Variants in LMBR1 observed in about 807,000 individuals in gnomAD.
LMBR1 encodes the protein limb region 1 protein homolog.
A neutral mutation model predicts 73.9 loss-of-function variants in LMBR1; 52 were observed. The observed-to-expected ratio is 0.70, with a 90% confidence interval of 0.56 to 0.89. The LOEUF (loss-of-function observed/expected upper bound fraction) is 0.89. Ranked by LOEUF, LMBR1 falls within the 40% of genes least tolerant of loss-of-function variation. The pLI is 0.00. For synonymous variants in LMBR1, 215 were observed against 209.4 expected (o/e 1.03, Z -0.23); for missense variants, 539 against 579.8 (o/e 0.93, Z 0.72).
At chr7:156,781,775 C>T (rs1415051835) in intron 5 of LMBR1, among the ~76,000 whole-genome samples, 1 of 152,212 alleles carries the variant, frequency 6.6e-6, no homozygotes, top group Non-Finnish European at 1.5e-5. Context: ...CAGGTAACCA[C>T]AAAACACTGC....
intron 1 of LMBR1, among the ~76,000 whole-genome samples, chr7:156,841,953 C>G (rs146011786): frequency 7.1e-6 from 1 of 140,188 alleles, no homozygotes; most frequent in South Asian, 2.2e-4. Flanking sequence ...AAAAAAGAAG[C>G]AATTGCTGAA....
intron 1 of LMBR1, among the ~76,000 whole-genome samples, chr7:156,891,217 T>A (rs981439782): frequency 0.024 from 1,109 of 45,788 alleles, 22 homozygotes; most frequent in Middle Eastern, 0.036. Flanking sequence ...AAAAAATATA[T>A]ATATATATAT....
chr7:156,813,875 GT>G (rs200134909), intron 4 of LMBR1, among the ~76,000 whole-genome samples: 6 of 151,322 alleles, frequency 4.0e-5, no homozygotes, highest in African/African-American at 7.3e-5. Context: ...AAAAGTCCTA[GT>G]TTTTTTTTAT....
rs1563118095 is a variant in LMBR1, at chr7:156,681,188, G to A, written c.*2890C>T. The A allele has an allele frequency of 1.1e-5, 5 of 453,856 alleles. No individual in the cohort carries two copies. The Admixed American group carries it at 1.2e-4, about 11-fold the overall frequency. The allele number at this position is 453,856 out of a possible 1,614,324, so 28.1% of individuals were successfully genotyped here. A position where few individuals can be genotyped will look rare whatever the true frequency, so the allele number is the denominator to read the frequency against. On this transcript the variant is annotated 3_prime_UTR_variant, in exon 17 of 17. Coordinates refer to ENST00000353442, the MANE Select transcript of LMBR1 (RefSeq NM_022458.4). ...GTAAATGATGAAAACCTGTGTCCCT[G>A]GCAGACGAGGTCATCACTGAGGCTG...
chr7:156,826,775 G>A (rs780836374), intron 3 of LMBR1, 31 bp from the exon 4 acceptor site: 1 of 1,573,008 alleles, frequency 6.4e-7, no homozygotes, highest in Non-Finnish European at 8.6e-7. Context: ...CATCACAAGT[G>A]ATCTGAAAAA....
chr7:156,880,366 G>C (rs552184737), intron 1 of LMBR1, among the ~76,000 whole-genome samples: 1 of 152,196 alleles, frequency 6.6e-6, no homozygotes, highest in Non-Finnish European at 1.5e-5. Context: ...GGAAAGGGGT[G>C]AGGGATAAAA....
chr7:156,763,980 A>G (rs2132941153), intron 5 of LMBR1, among the ~76,000 whole-genome samples, 185 bp from the exon 6 acceptor site: 1 of 152,310 alleles, frequency 6.6e-6, no homozygotes, highest in South Asian at 2.1e-4. Flanking sequence ...AATTATGGAA[A>G]ATATTATTAA....
In LMBR1 at chr7:156,681,436, T is replaced by C. The variant is rs1460216007; in HGVS notation, c.*2642A>G. 1 of 160,720 alleles carries C rather than the reference T, an allele frequency of 6.2e-6. No homozygotes were observed. The highest frequency in any genetic ancestry group is 1.9e-4 in the East Asian group (1 of 5,298). The allele number at this position is 160,720 out of a possible 1,614,324, so 10.0% of individuals were successfully genotyped here. On this transcript the variant is annotated 3_prime_UTR_variant, in exon 17 of 17. Coordinates refer to ENST00000353442, the MANE Select transcript of LMBR1 (RefSeq NM_022458.4). ...TAGAGGTCTATTTTTACAGAGAATG[T>C]ACATAAAGCTACGTAAATAGTAAAT...
At chr7:156,834,732 A>C (rs1041039125) in intron 2 of LMBR1, 4 of 158,102 alleles carry the variant, frequency 2.5e-5, no homozygotes, top group Non-Finnish European at 5.4e-5. Context: ...AAGTTTGTTT[A>C]ATCTTTTTTA....
chr7:156,852,058 A>G (rs372945071), intron 1 of LMBR1, among the ~76,000 whole-genome samples: 10 of 152,210 alleles, frequency 6.6e-5, no homozygotes, highest in Non-Finnish European at 1.0e-4. Flanking sequence ...AAGAATCACA[A>G]TAATAGCTGC....
At position 156,753,203 on chromosome 7, in the gene LMBR1, A is replaced by G. The variant is rs111784594; in HGVS notation, c.757+3190T>C. ...CAAGGAGTGTCCTGGAGTGATGGGA[A>G]GGACATGCACACAGACACCAAATCA... is the stretch of plus-strand genomic sequence containing the variant. On this transcript the variant is annotated intron_variant, in intron 9 of 16. Coordinates refer to ENST00000353442, the MANE Select transcript of LMBR1 (RefSeq NM_022458.4). Among the ~76,000 whole-genome samples the G allele has an allele frequency of 8.5e-3, 1,295 of 152,162 alleles. 16 individuals are homozygous for G. Among genetic ancestry groups the G allele is most frequent in the African/African-American group, 0.029 (1,216 of 41,506 alleles).
At chr7:156,831,415 G>A (rs1836672045) in intron 3 of LMBR1, among the ~76,000 whole-genome samples, 1 of 151,756 alleles carries the variant, frequency 6.6e-6, no homozygotes, top group Admixed American at 6.6e-5. Flanking sequence ...CATGGGTCCA[G>A]AATTTGAACC....
At chr7:156,753,301 G>T (rs1051053933) in intron 9 of LMBR1, among the ~76,000 whole-genome samples, 3 of 152,006 alleles carry the variant, frequency 2.0e-5, no homozygotes, top group Non-Finnish European at 4.4e-5. Flanking sequence ...GAGCAGAAAA[G>T]GCCTGGGAGG....
chr7:156,695,868 A>G (rs1330172895), intron 15 of LMBR1, among the ~76,000 whole-genome samples: 2 of 108,404 alleles, frequency 1.8e-5, no homozygotes, highest in South Asian at 3.0e-4. Context: ...ACACTGATGG[A>G]AAAAAAAAAA....
intron 11 of LMBR1, 121 bp from the exon 12 acceptor site, chr7:156,728,128 T>C (rs886890347): frequency 6.2e-6 from 4 of 645,692 alleles, no homozygotes; most frequent in East Asian, 5.5e-5. Flanking sequence ...CAAAACGCTA[T>C]ATATAAAACT....
chr7:156,746,488 A>C (rs1011065347), intron 9 of LMBR1, among the ~76,000 whole-genome samples: 1 of 152,210 alleles, frequency 6.6e-6, no homozygotes, highest in Non-Finnish European at 1.5e-5. Flanking sequence ...GATTCTTCAA[A>C]GGAAAATAAC....
At chr7:156,786,997 G>GT (rs1173115137) in intron 5 of LMBR1, among the ~76,000 whole-genome samples, 4 of 152,000 alleles carry the variant, frequency 2.6e-5, no homozygotes, top group Non-Finnish European at 5.9e-5. Flanking sequence ...AACAATACAG[G>GT]TATCTATAGT....
chr7:156,875,644 G>C (rs1180399666), intron 1 of LMBR1, among the ~76,000 whole-genome samples: 1 of 151,900 alleles, frequency 6.6e-6, no homozygotes, highest in African/African-American at 2.4e-5. Flanking sequence ...AGCTAGAAGG[G>C]ACTGGGGCCC....
chr7:156,691,662 G>A (rs1317997195), intron 15 of LMBR1, among the ~76,000 whole-genome samples: 1 of 151,882 alleles, frequency 6.6e-6, no homozygotes, highest in East Asian at 1.9e-4. Context: ...TATATATGTT[G>A]GCATTTACAC....
Sources: gnomAD v4.1 joint callset for allele counts (sites outside exome capture counted in the v4.1 genomes callset) on GRCh38, gnomAD v4.1.1 for gene constraint, MANE v1.5 for transcripts, NCBI Gene and HGNC (gene_info 2026-07-23, HGNC 2026-07-21) for gene names.